The following PDE1C variants were observed in gnomAD, a reference collection of about 807,000 sequenced individuals.
PDE1C encodes dual specificity calcium/calmodulin-dependent 3',5'-cyclic nucleotide phosphodiesterase 1C.
A neutral mutation model predicts 93.1 loss-of-function variants in PDE1C; 62 were observed. The ratio of observed to expected loss-of-function variants is 0.67; its 90% confidence interval spans 0.54 to 0.82. The LOEUF is 0.82. Ranked by LOEUF, PDE1C falls within the 40% of genes least tolerant of loss-of-function variation. The pLI is 0.00. For missense variants in PDE1C, 742 were observed against 884.6 expected (o/e 0.84, Z 2.04); for synonymous variants, 325 against 310.1 (o/e 1.05, Z -0.50).
At chr7:31,628,454 TTTTTTTC>T in the PDE1C span, among the ~76,000 whole-genome samples, 2 of 149,420 alleles carry the variant, frequency 1.3e-5, no homozygotes, top group African/African-American at 5.0e-5. Flanking sequence ...ATTCCTTTTT[TTTTTTTC>T]TTTTTTTTTC....
chr7:31,646,992 A>G, the PDE1C span, among the ~76,000 whole-genome samples: 5 of 152,258 alleles, frequency 3.3e-5, no homozygotes, highest in Non-Finnish European at 7.3e-5. Context: ...ATCCAAAGAA[A>G]TAGAAAAAAA....
intron 2 of PDE1C, among the ~76,000 whole-genome samples, chr7:31,967,100 A>C (rs945011747): frequency 1.3e-5 from 2 of 152,208 alleles, no homozygotes; most frequent in African/African-American, 2.4e-5. Context: ...GGCAAGAATT[A>C]ACTAAGATCA....
At chr7:32,110,444 G>A (rs781241127) in intron 3 of PDE1C, among the ~76,000 whole-genome samples, 11 of 152,132 alleles carry the variant, frequency 7.2e-5, no homozygotes, top group Non-Finnish European at 1.6e-4. Context: ...CATGACACGT[G>A]GAAGTTGTGG....
chr7:32,275,236 A>T (rs540178197), intron 1 of PDE1C, among the ~76,000 whole-genome samples: 1 of 152,312 alleles, frequency 6.6e-6, no homozygotes, highest in Admixed American at 6.5e-5. Context: ...AAAGAAACTA[A>T]GCTCACACAT....
intron 2 of PDE1C, among the ~76,000 whole-genome samples, chr7:31,937,658 T>C (rs903159001): frequency 1.3e-5 from 2 of 152,292 alleles, no homozygotes; most frequent in African/African-American, 4.8e-5. Flanking sequence ...TCACATCAAA[T>C]AGACTTGCAA....
chr7:32,113,741 C>T (rs916458464), intron 3 of PDE1C, among the ~76,000 whole-genome samples: 8 of 151,908 alleles, frequency 5.3e-5, no homozygotes, highest in Admixed American at 3.9e-4. Context: ...AATTTTTAAC[C>T]AAAATTTGCA....
intron 1 of PDE1C, among the ~76,000 whole-genome samples, chr7:32,368,440 G>C (rs919876380): frequency 6.6e-6 from 1 of 151,890 alleles, no homozygotes; most frequent in Non-Finnish European, 1.5e-5. Flanking sequence ...TGGGAATAAG[G>C]AACCAAGGAA....
At chr7:32,280,917 T>G (rs1229536262) in intron 1 of PDE1C, among the ~76,000 whole-genome samples, 1 of 152,122 alleles carries the variant, frequency 6.6e-6, no homozygotes, top group Admixed American at 6.5e-5. Flanking sequence ...CCAAGAAGTT[T>G]GAGGCTACCG....
intron 3 of PDE1C, among the ~76,000 whole-genome samples, chr7:32,110,990 T>C (rs779849958): frequency 1.3e-5 from 2 of 152,094 alleles, no homozygotes; most frequent in Non-Finnish European, 2.9e-5. Context: ...AAATTAAACT[T>C]GATAGTGAGG....
At chr7:32,320,468 C>T (rs1454683051) in intron 1 of PDE1C, among the ~76,000 whole-genome samples, 2 of 152,042 alleles carry the variant, frequency 1.3e-5, no homozygotes, top group Admixed American at 1.3e-4. Flanking sequence ...ACACGTTTAC[C>T]TATATAACAA....
At chr7:32,068,402 A>G (rs1395913135) in intron 1 of PDE1C, among the ~76,000 whole-genome samples, 1 of 151,944 alleles carries the variant, frequency 6.6e-6, no homozygotes, top group African/African-American at 2.4e-5. Context: ...ATGTTTAAAA[A>G]GAAGAAGAAG....
At chr7:32,403,096 G>A (rs1431327569) in intron 1 of PDE1C, among the ~76,000 whole-genome samples, 2 of 152,176 alleles carry the variant, frequency 1.3e-5, no homozygotes, top group Non-Finnish European at 2.9e-5. Context: ...TAAATCATCA[G>A]CTGCTTCTAG....
the PDE1C span, chr7:31,707,582 C>G: frequency 3.1e-6 from 1 of 317,870 alleles, no homozygotes; most frequent in African/African-American, 2.1e-5. Context: ...GTTTCTGCAT[C>G]TTCTGGATCA....
chr7:31,970,954 C>T (rs9768747), intron 2 of PDE1C, among the ~76,000 whole-genome samples: 1 of 151,956 alleles, frequency 6.6e-6, no homozygotes, highest in Non-Finnish European at 1.5e-5. Flanking sequence ...ACCAGCCTGA[C>T]CAACATGATG....
At chr7:32,209,450 G>C in intron 2 of PDE1C, 2 of 1,521,666 alleles carry the variant, frequency 1.3e-6, no homozygotes, top group South Asian at 2.5e-5. Flanking sequence ...AACATTTTCT[G>C]ATGGAGACCA....
Position 32,355,649 on chromosome 7 carries a change from C to T in PDE1C, c.310+72173G>A, listed in dbSNP as rs1476851297. Among the ~76,000 whole-genome samples the T allele has an allele frequency of 2.6e-5, 4 of 152,190 alleles. No individual in the cohort carries two copies. The East Asian group carries it at 7.7e-4, about 29-fold the overall frequency. On this transcript the variant is annotated intron_variant, in intron 1 of 1. Transcript: ENST00000672256. Reference sequence around the variant, plus strand: ...CTCTAAGTTCCCTTAGCAGTTTGTTCCTATTTCTAAGATAGTTTTTAATGT... The same window carrying T: ...CTCTAAGTTCCCTTAGCAGTTTGTTTCTATTTCTAAGATAGTTTTTAATGT...
intron 2 of PDE1C, among the ~76,000 whole-genome samples, chr7:31,944,068 T>C (rs918313665): frequency 2.0e-5 from 3 of 152,250 alleles, no homozygotes; most frequent in Non-Finnish European, 2.9e-5. Flanking sequence ...TCTGCCCTCC[T>C]GGCCCAAGAC....
chr7:31,964,647 C>A (rs1385594512), intron 2 of PDE1C, among the ~76,000 whole-genome samples: 1 of 152,236 alleles, frequency 6.6e-6, no homozygotes, highest in East Asian at 1.9e-4. Context: ...TGAGAACGGG[C>A]AGACTGCCTC....
At chr7:32,214,300 G>C (rs1425289217) in intron 1 of PDE1C, among the ~76,000 whole-genome samples, 6 of 152,092 alleles carry the variant, frequency 3.9e-5, no homozygotes, top group African/African-American at 1.4e-4. Context: ...GCCATCTCTA[G>C]TCCAAGAGGG....
Sources: gnomAD v4.1 joint callset for allele counts (sites outside exome capture counted in the v4.1 genomes callset) on GRCh38, gnomAD v4.1.1 for gene constraint, MANE v1.5 for transcripts, NCBI Gene and HGNC (gene_info 2026-07-23, HGNC 2026-07-21) for gene names.